Variants in NEDD4L observed in about 807,000 individuals in gnomAD.
The protein encoded by NEDD4L is E3 ubiquitin-protein ligase NEDD4-like.
In NEDD4L, 54 loss-of-function variants were observed where a neutral mutation model predicts 148.9. The ratio of observed to expected loss-of-function variants is 0.36; its 90% confidence interval spans 0.29 to 0.45. The LOEUF is 0.45. Ranked by LOEUF, NEDD4L falls within the 20% of genes least tolerant of loss-of-function variation. The pLI is 1.00. For missense variants in NEDD4L, 856 were observed against 1,233.8 expected, an observed-to-expected ratio of 0.69 and a Z score of 4.59; for synonymous variants, 433 against 440.7, an observed-to-expected ratio of 0.98 and a Z score of 0.22.
At chr18:58,390,343 G>A (rs890113936) in intron 28 of NEDD4L, 1 of 257,032 alleles carries the variant, frequency 3.9e-6, no homozygotes. Flanking sequence ...TTGGCTTAGG[G>A]GGAACTGGTA....
intron 2 of NEDD4L, among the ~76,000 whole-genome samples, chr18:58,225,304 A>G (rs73454615): frequency 4.0e-4 from 61 of 152,316 alleles, no homozygotes; most frequent in African/African-American, 1.4e-3. Context: ...CAAAGCCAGC[A>G]TCTCAGTTTA....
chr18:58,358,339 G>T (rs996621306), intron 19 of NEDD4L, among the ~76,000 whole-genome samples: 1 of 152,162 alleles, frequency 6.6e-6, no homozygotes, highest in South Asian at 2.1e-4. Flanking sequence ...TCTCTATGCG[G>T]CTTAAACACT....
intron 25 of NEDD4L, 85 bp from the exon 26 acceptor site, chr18:58,385,441 A>AG: frequency 9.3e-7 from 1 of 1,071,616 alleles, no homozygotes; most frequent in East Asian, 2.4e-5. Flanking sequence ...TCGTGGATGG[A>AG]GGAGAAGCAC....
intron 13 of NEDD4L, 26 bp from the exon 14 acceptor site, chr18:58,341,012 A>G (rs765288368): frequency 3.1e-6 from 5 of 1,595,914 alleles, no homozygotes; most frequent in African/African-American, 1.3e-5. Context: ...AAGGTATTAA[A>G]TAATAATGAT....
chr18:58,050,816 A>G (rs1053357522), intron 1 of NEDD4L, among the ~76,000 whole-genome samples: 1 of 152,176 alleles, frequency 6.6e-6, no homozygotes. Context: ...ACAGTGACAA[A>G]TGGTGATCCT....
rs1431420173 is a variant in NEDD4L, at chr18:58,292,442, G to T, written c.298-23540G>T. 2.0e-5 allele frequency among the ~76,000 whole-genome samples: 3 copies of T among 152,052 alleles called. No individual in the cohort carries two copies. In the East Asian group the frequency reaches 5.8e-4, roughly 29 times the overall value. ...CTCTCCACAGGCTCCCCTGGGAGGG[G>T]TGCCCCCACCTCACCCGCCACCTCA... On this transcript the variant is annotated intron_variant, in intron 5 of 30. Transcript: ENST00000400345.
At chr18:58,316,497 G>A (rs1167834680) in intron 6 of NEDD4L, among the ~76,000 whole-genome samples, 3 of 152,150 alleles carry the variant, frequency 2.0e-5, no homozygotes, top group Admixed American at 2.0e-4. Flanking sequence ...TTTGGTGTCT[G>A]GCTTTCTCAG....
At chr18:58,374,047 C>T (rs978417582) in intron 24 of NEDD4L, among the ~76,000 whole-genome samples, 1 of 152,160 alleles carries the variant, frequency 6.6e-6, no homozygotes, top group African/African-American at 2.4e-5. Flanking sequence ...TAAATCTCCA[C>T]GGCTATGAAA....
chr18:58,045,508 GT>G (rs1342547020), intron 1 of NEDD4L: 1 of 175,942 alleles, frequency 5.7e-6, no homozygotes, highest in African/African-American at 2.3e-5. Context: ...AAAGGGCTTT[GT>G]TTTTACCTTC....
In NEDD4L at chr18:58,390,671, A is replaced by C; in HGVS notation, c.2681A>C (p.Lys894Thr). The C allele has an allele frequency of 6.3e-7, 1 of 1,594,310 alleles. No homozygotes were observed. Among genetic ancestry groups the C allele is most frequent in the Non-Finnish European group, 8.6e-7 (1 of 1,169,406 alleles). ...GCTGTGCTACTCATGGACGCCGAAA[A>C]GCGTATCCGGTTACTGCAGTTTGTC... ...WKAVLLMDAEKRIRLLQFVTG... is the reference protein window; with the variant it reads ...WKAVLLMDAETRIRLLQFVTG... The change falls in exon 29 of 31, where the codon AAG becomes ACG. Residue 894 changes from lysine to threonine, a missense_variant. Lys to Thr is a moderately conservative substitution (Grantham distance 78). This residue lies in a region of NEDD4L where 286 missense variants were observed against 531.8 expected (regional missense o/e 0.54). Transcript: ENST00000400345.
intron 1 of NEDD4L, among the ~76,000 whole-genome samples, chr18:58,066,889 C>T (rs1212298027): frequency 6.6e-6 from 1 of 152,088 alleles, no homozygotes; most frequent in Non-Finnish European, 1.5e-5. Context: ...AAAATCCACT[C>T]CCATCATCTC....
At chr18:58,087,964 A>G (rs1204537077) in intron 1 of NEDD4L, among the ~76,000 whole-genome samples, 1 of 152,240 alleles carries the variant, frequency 6.6e-6, no homozygotes, top group Non-Finnish European at 1.5e-5. Context: ...CTGTGTCAGT[A>G]TGTCTCAGGG....
intron 17 of NEDD4L, among the ~76,000 whole-genome samples, chr18:58,350,551 T>C (rs1250292967): frequency 6.6e-6 from 1 of 152,192 alleles, no homozygotes; most frequent in African/African-American, 2.4e-5. Context: ...CTAGCAAAAG[T>C]TCATGGTGGA....
chr18:58,158,367 G>C (rs954146583), intron 1 of NEDD4L, among the ~76,000 whole-genome samples: 1 of 152,192 alleles, frequency 6.6e-6, no homozygotes, highest in African/African-American at 2.4e-5. Context: ...CACTAAATCA[G>C]ATACCCATGG....
intron 2 of NEDD4L, among the ~76,000 whole-genome samples, chr18:58,213,491 G>A (rs979722474): frequency 1.1e-4 from 16 of 152,184 alleles, no homozygotes; most frequent in Non-Finnish European, 2.1e-4. Context: ...TCTAAAAGAC[G>A]CATTCCTCCT....
chr18:58,264,989 G>A (rs978264791), intron 5 of NEDD4L, among the ~76,000 whole-genome samples: 1 of 152,096 alleles, frequency 6.6e-6, no homozygotes, highest in Non-Finnish European at 1.5e-5. Context: ...AGATGGGACA[G>A]CTGAGGTGAG....
intron 1 of NEDD4L, among the ~76,000 whole-genome samples, chr18:58,124,164 G>A (rs1211204021): frequency 1.3e-5 from 2 of 152,060 alleles, no homozygotes; most frequent in African/African-American, 4.8e-5. Flanking sequence ...CTTCTCCAAT[G>A]ACCGGGTGAC....
At chr18:58,073,927 A>G (rs1383729312) in intron 1 of NEDD4L, among the ~76,000 whole-genome samples, 6 of 152,258 alleles carry the variant, frequency 3.9e-5, no homozygotes, top group African/African-American at 1.4e-4. Context: ...AGGTATTAGT[A>G]AAGCGGTGCA....
chr18:58,249,735 C>T (rs1198336196), intron 4 of NEDD4L, among the ~76,000 whole-genome samples: 1 of 152,210 alleles, frequency 6.6e-6, no homozygotes, highest in African/African-American at 2.4e-5. Context: ...CCATGAGGCC[C>T]ATTATAATTG....
Sources: gnomAD v4.1 joint callset for allele counts (sites outside exome capture counted in the v4.1 genomes callset) on GRCh38, gnomAD v4.1.1 for gene constraint, gnomAD v4.1.1 regional missense constraint, MANE v1.5 for transcripts, NCBI Gene and HGNC (gene_info 2026-07-23, HGNC 2026-07-21) for gene names.